Variants in GLRA3 observed in about 807,000 individuals in gnomAD.
The protein encoded by GLRA3 is glycine receptor subunit alpha-3.
GLRA3 carries 44 observed loss-of-function variants against 60.4 expected under a neutral mutation model. The ratio of observed to expected loss-of-function variants is 0.73; its 90% CI spans 0.57 to 0.94. The LOEUF (loss-of-function observed/expected upper bound fraction) is 0.94. Among genes scored for constraint, GLRA3 ranks in the 40% least tolerant of loss-of-function variants. The probability of loss-of-function intolerance (pLI) is 0.00; values close to 1 mark genes in which losing one functional copy is unlikely to be tolerated. For missense variants in GLRA3, 508 were observed against 564.6 expected (o/e 0.90, Z 1.02); for synonymous variants, 223 against 192.9 (o/e 1.16, Z -1.29).
At chr4:174,727,897 A>AT (rs1242763239) in intron 4 of GLRA3, among the ~76,000 whole-genome samples, 1 of 152,084 alleles carries the variant, frequency 6.6e-6, no homozygotes, top group Non-Finnish European at 1.5e-5. Context: ...TTTGTCATCC[A>AT]TTTTCACATA....
chr4:174,687,061 T>A (rs184350623), intron 5 of GLRA3, among the ~76,000 whole-genome samples: 40 of 152,304 alleles, frequency 2.6e-4, no homozygotes, highest in Middle Eastern at 3.4e-3. Context: ...CCTTTTTCAT[T>A]GAGTCAACAT....
chr4:174,647,017 C>T (rs1732845263), intron 9 of GLRA3, among the ~76,000 whole-genome samples: 1 of 152,148 alleles, frequency 6.6e-6, no homozygotes, highest in Admixed American at 6.5e-5. Flanking sequence ...ATGGATCGCA[C>T]AGGTTTATCC....
intron 3 of GLRA3, among the ~76,000 whole-genome samples, chr4:174,762,796 A>G (rs1212353002): frequency 6.6e-6 from 1 of 152,116 alleles, no homozygotes; most frequent in Non-Finnish European, 1.5e-5. Context: ...AAAGATTCTG[A>G]CATATGCATA....
chr4:174,828,662 G>A, intron 1 of GLRA3, 79 bp downstream of exon 1: 1 of 842,902 alleles, frequency 1.2e-6, no homozygotes, highest in South Asian at 1.4e-5. Flanking sequence ...AAATTTCCCG[G>A]TCTCATCAAT....
intron 1 of GLRA3, among the ~76,000 whole-genome samples, chr4:174,809,934 T>C (rs1017613610): frequency 1.3e-5 from 2 of 152,018 alleles, no homozygotes; most frequent in African/African-American, 4.8e-5. Context: ...TTAAGACTTT[T>C]ATAGAAGAGA....
intron 3 of GLRA3, among the ~76,000 whole-genome samples, chr4:174,754,391 G>C (rs1737604185): frequency 6.6e-6 from 1 of 151,960 alleles, no homozygotes; most frequent in Non-Finnish European, 1.5e-5. Context: ...TTCTATATTT[G>C]GTTTGGCTTT....
chr4:174,819,060 T>C (rs2111391626), intron 1 of GLRA3, among the ~76,000 whole-genome samples: 1 of 152,300 alleles, frequency 6.6e-6, no homozygotes, highest in Middle Eastern at 3.4e-3. Context: ...TCTTTTTTAT[T>C]GGATGTTTGT....
chr4:174,771,856 A>G (rs1439464231), intron 2 of GLRA3, among the ~76,000 whole-genome samples: 1 of 152,172 alleles, frequency 6.6e-6, no homozygotes, highest in Non-Finnish European at 1.5e-5. Context: ...ATTAGTTTCT[A>G]TATATTTATG....
intron 3 of GLRA3, 40 bp downstream of exon 3, chr4:174,766,923 T>A (rs1242159466): frequency 8.0e-6 from 8 of 1,005,554 alleles, no homozygotes; most frequent in African/African-American, 1.6e-5. Context: ...TAATTACAGA[T>A]TACTCTAGTG....
At chr4:174,697,645 T>G (rs1285027076) in intron 5 of GLRA3, among the ~76,000 whole-genome samples, 8 of 152,220 alleles carry the variant, frequency 5.3e-5, no homozygotes, top group Non-Finnish European at 8.8e-5. Context: ...CTATCACCAT[T>G]ATCTTATGAG....
intron 3 of GLRA3, among the ~76,000 whole-genome samples, chr4:174,754,099 T>G (rs947475462): frequency 2.6e-5 from 4 of 152,110 alleles, no homozygotes; most frequent in Admixed American, 6.5e-5. Flanking sequence ...ATATTCTGTA[T>G]GAGATTTTTA....
chr4:174,721,007 TTGTGTGTGTGTGTGTG>T (rs10639932), intron 4 of GLRA3, among the ~76,000 whole-genome samples: 5,090 of 141,534 alleles, frequency 0.036, 269 homozygotes, highest in African/African-American at 0.12. Context: ...TGTGTGAACT[TTGTGTGTGTGTGTGTG>T]TGTGTGTGTG....
chr4:174,691,567 T>A (rs1426646782), intron 5 of GLRA3, among the ~76,000 whole-genome samples: 1 of 152,190 alleles, frequency 6.6e-6, no homozygotes, highest in Non-Finnish European at 1.5e-5. Flanking sequence ...GGTTTTCGTA[T>A]TTTTTTGGTG....
chr4:174,733,972 C>CAAT (rs1427325386), intron 3 of GLRA3, among the ~76,000 whole-genome samples: 1 of 151,854 alleles, frequency 6.6e-6, no homozygotes, highest in Non-Finnish European at 1.5e-5. Context: ...GATTTGCATA[C>CAAT]AATATTATTA....
intron 1 of GLRA3, among the ~76,000 whole-genome samples, chr4:174,796,004 A>G (rs1173655227): frequency 1.3e-5 from 2 of 152,182 alleles, no homozygotes; most frequent in Non-Finnish European, 2.9e-5. Flanking sequence ...ATGACTTGCT[A>G]TGGTCTCAAT....
chr4:174,687,107 C>T (rs1033038019), intron 5 of GLRA3, among the ~76,000 whole-genome samples: 6 of 152,094 alleles, frequency 3.9e-5, no homozygotes, highest in African/African-American at 1.4e-4. Context: ...GTGGGTAAAA[C>T]TTCTAGTGCT....
At chr4:174,652,015 CAA>C (rs1276664044) in intron 9 of GLRA3, among the ~76,000 whole-genome samples, 2 of 151,804 alleles carry the variant, frequency 1.3e-5, no homozygotes, top group Non-Finnish European at 2.9e-5. Context: ...TTAAAAACAT[CAA>C]GTTTTTTTTT....
chr4:174,802,305 G>A lies in GLRA3; in HGVS notation c.72-13362C>T, dbSNP rs187457435. 4.9e-4 allele frequency among the ~76,000 whole-genome samples: 75 copies of A among 152,048 alleles called. No individual in the cohort carries two copies. The East Asian group carries it at 0.013, about 27-fold the overall frequency. ...TGCTCCTCCTGGTCTTAAAACTTGA[G>A]ACTTACATTTGTCTCATCTACGTTC... On this transcript the variant is annotated intron_variant, in intron 1 of 9. Coordinates refer to ENST00000274093, the MANE Select transcript of GLRA3 (RefSeq NM_006529.4).
intron 1 of GLRA3, among the ~76,000 whole-genome samples, chr4:174,799,550 A>T (rs1018532559): frequency 1.3e-5 from 2 of 152,236 alleles, no homozygotes; most frequent in Non-Finnish European, 2.9e-5. Flanking sequence ...GCATTCTAGG[A>T]TTCACCAAAA....
Sources: allele counts gnomAD v4.1 joint callset (sites outside exome capture counted in the v4.1 genomes callset), GRCh38; gene constraint gnomAD v4.1.1; transcripts MANE v1.5; gene names NCBI Gene and HGNC (gene_info 2026-07-23, HGNC 2026-07-21).